Variants in ADAMTS19 observed in about 807,000 individuals in gnomAD.
The protein encoded by ADAMTS19 is ADAM metallopeptidase with thrombospondin type 1 motif 19, also known as A disintegrin and metalloproteinase with thrombospondin motifs 19.
In ADAMTS19, 93 loss-of-function variants were observed where a neutral mutation model predicts 153.3. The ratio of observed to expected loss-of-function variants is 0.61; its 90% CI spans 0.51 to 0.72. ADAMTS19 has a LOEUF of 0.72. Among genes scored for constraint, ADAMTS19 ranks in the 30% least tolerant of loss-of-function variants. The probability of loss-of-function intolerance (pLI) is 0.00; values close to 1 mark genes in which losing one functional copy is unlikely to be tolerated. For synonymous variants in ADAMTS19, 600 were observed against 556.6 expected (o/e 1.08, Z -1.10); for missense variants, 1,482 against 1,552.1 (o/e 0.95, Z 0.76).
intron 9 of ADAMTS19, among the ~76,000 whole-genome samples, chr5:129,621,730 T>C (rs566377980): frequency 6.6e-6 from 1 of 152,310 alleles, no homozygotes; most frequent in African/African-American, 2.4e-5. Context: ...TAAAATATAT[T>C]ACAGAGTTGT....
intron 16 of ADAMTS19, among the ~76,000 whole-genome samples, chr5:129,673,720 T>G (rs1204834044): frequency 6.6e-6 from 1 of 152,220 alleles, no homozygotes; most frequent in Non-Finnish European, 1.5e-5. Context: ...AATTTTCAAC[T>G]AAAATTGTGG....
At chr5:129,491,348 G>A (rs946150118) in intron 2 of ADAMTS19, among the ~76,000 whole-genome samples, 1 of 152,072 alleles carries the variant, frequency 6.6e-6, no homozygotes. Context: ...ATGTTTCGGA[G>A]TACCTGTTTT....
At chr5:129,586,271 T>C (rs1749794346) in intron 7 of ADAMTS19, among the ~76,000 whole-genome samples, 1 of 152,220 alleles carries the variant, frequency 6.6e-6, no homozygotes, top group Non-Finnish European at 1.5e-5. Context: ...ATCCACATTA[T>C]AGTATCATAT....
intron 22 of ADAMTS19, among the ~76,000 whole-genome samples, chr5:129,736,459 G>C (rs1757671171): frequency 6.6e-6 from 1 of 152,052 alleles, no homozygotes; most frequent in Non-Finnish European, 1.5e-5. Context: ...GGGAGGCCAA[G>C]TCTACATGAC....
chr5:129,622,736 T>A (rs2126980855), intron 10 of ADAMTS19, among the ~76,000 whole-genome samples: 1 of 152,228 alleles, frequency 6.6e-6, no homozygotes, highest in African/African-American at 2.4e-5. Context: ...GCTGCTAAAG[T>A]CCCTTATGAA....
intron 21 of ADAMTS19, among the ~76,000 whole-genome samples, chr5:129,715,558 G>A (rs892064409): frequency 6.6e-6 from 1 of 152,180 alleles, no homozygotes; most frequent in Non-Finnish European, 1.5e-5. Flanking sequence ...TTGAGTTTGA[G>A]AATTTTTTAT....
chr5:129,622,893 G>C (rs1159758567), intron 10 of ADAMTS19, among the ~76,000 whole-genome samples: 2 of 151,806 alleles, frequency 1.3e-5, no homozygotes, highest in Non-Finnish European at 2.9e-5. Flanking sequence ...TTATATTGTT[G>C]TATTGTTCTT....
At chr5:129,566,592 C>G (rs1013373960) in intron 7 of ADAMTS19, among the ~76,000 whole-genome samples, 2 of 152,158 alleles carry the variant, frequency 1.3e-5, no homozygotes, top group Non-Finnish European at 2.9e-5. Context: ...CAACACAGCC[C>G]ACACTTGTAA....
rs748798015 is a variant in ADAMTS19, at chr5:129,735,145, CAT to C, written c.3490+38_3490+39del. Reference sequence around the variant, plus strand: ...AAAAAAAAAAGATGCTTTTGAAAAACATAGAAATGCTTATGGCTTCTTGTATT... The same window carrying C: ...AAAAAAAAAAGATGCTTTTGAAAAACAGAAATGCTTATGGCTTCTTGTATT... On this transcript the variant is annotated intron_variant, in intron 22 of 22. Coordinates refer to ENST00000274487, the MANE Select transcript of ADAMTS19 (RefSeq NM_133638.6). 5 of 1,496,296 alleles carry C rather than the reference CAT, an allele frequency of 3.3e-6. No individual in the cohort carries two copies. In the African/African-American group the frequency reaches 5.7e-5, roughly 17 times the overall value. 92.7% of individuals were successfully genotyped at this position (1,496,296 alleles called of 1,614,324 possible). A position where few individuals can be genotyped will look rare whatever the true frequency, so the allele number is the denominator to read the frequency against.
chr5:129,714,488 A>AT (rs1250380893), intron 21 of ADAMTS19, among the ~76,000 whole-genome samples: 3 of 152,006 alleles, frequency 2.0e-5, no homozygotes, highest in Non-Finnish European at 2.9e-5. Flanking sequence ...CAAAATATGC[A>AT]TAAGTATATA....
At chr5:129,621,590 T>C (rs1003835069) in intron 9 of ADAMTS19, among the ~76,000 whole-genome samples, 2 of 152,216 alleles carry the variant, frequency 1.3e-5, no homozygotes, top group African/African-American at 4.8e-5. Flanking sequence ...GCATGTGATA[T>C]TTCAGACACA....
intron 7 of ADAMTS19, among the ~76,000 whole-genome samples, chr5:129,584,217 C>T (rs1235095929): frequency 6.6e-6 from 1 of 152,088 alleles, no homozygotes. Context: ...TGGGTATCAC[C>T]AGGAGAGGCT....
In ADAMTS19 at chr5:129,528,589, T is replaced by C; in HGVS notation, c.1240T>C (p.Phe414Leu). Residue 414 changes from phenylalanine to leucine, a missense_variant, in exon 6 of 23, where the codon TTT (phenylalanine) becomes CTT (leucine). Physicochemically the swap from Phe to Leu is conservative, Grantham distance 22. Coordinates refer to ENST00000274487, the MANE Select transcript of ADAMTS19 (RefSeq NM_133638.6). The part of the protein sequence containing the change: ...ESFCKWQHEE[F>L]GKKNDIHLEM... Reference sequence around the variant, plus strand: ...TTTTTGTAAGTGGCAACATGAAGAATTTGGCAAAAAGAATGATATACATTT... The same window carrying C: ...TTTTTGTAAGTGGCAACATGAAGAACTTGGCAAAAAGAATGATATACATTT... The C allele has an allele frequency of 6.2e-7, 1 of 1,607,006 alleles. No individual in the cohort carries two copies. The highest frequency in any genetic ancestry group is 8.5e-7 in the Non-Finnish European group (1 of 1,176,988).
chr5:129,527,633 T>TTA (rs1554089804), intron 4 of ADAMTS19, 115 bp from the exon 5 acceptor site: 23 of 164,960 alleles, frequency 1.4e-4, no homozygotes, highest in African/African-American at 3.4e-4. Context: ...TTTTTTTTTT[T>TTA]AAAAAAAAAA....
At chr5:129,690,568 C>T (rs1192694512) in intron 18 of ADAMTS19, among the ~76,000 whole-genome samples, 1 of 152,016 alleles carries the variant, frequency 6.6e-6, no homozygotes, top group Non-Finnish European at 1.5e-5. Context: ...CATTTTAACA[C>T]TCAGACAATA....
chr5:129,725,845 G>A (rs1045229204), intron 21 of ADAMTS19, among the ~76,000 whole-genome samples: 4 of 151,954 alleles, frequency 2.6e-5, no homozygotes, highest in Admixed American at 2.0e-4. Flanking sequence ...AATTAGTTGG[G>A]GGACTTAGAA....
At chr5:129,641,111 T>A (rs1309288376) in intron 10 of ADAMTS19, among the ~76,000 whole-genome samples, 1 of 152,216 alleles carries the variant, frequency 6.6e-6, no homozygotes, top group African/African-American at 2.4e-5. Context: ...TTTATTAATA[T>A]GTGTGTTGGC....
At position 129,580,422 on chromosome 5, in the gene ADAMTS19, T is replaced by A. The variant is rs144356785; in HGVS notation, c.1373-16137T>A. 7.2e-3 allele frequency among the ~76,000 whole-genome samples: 1,104 copies of A among 152,308 alleles called. 13 individuals carry two copies. Among genetic ancestry groups the A allele is most frequent in the African/African-American group, 0.025 (1,047 of 41,550 alleles). On this transcript the variant is annotated intron_variant, in intron 7 of 22. Coordinates refer to ENST00000274487, the MANE Select transcript of ADAMTS19 (RefSeq NM_133638.6). ...CCTCTATTCCTATTTGAATACCCTT[T>A]ATTTATTTCTCTTGCCTGACTGCCC...
At chr5:129,501,107 TAGA>T (rs1414081570) in intron 2 of ADAMTS19, among the ~76,000 whole-genome samples, 1 of 152,214 alleles carries the variant, frequency 6.6e-6, no homozygotes, top group African/African-American at 2.4e-5. Flanking sequence ...TGATAGGATT[TAGA>T]AGAATTTTTT....
Sources: gnomAD v4.1 joint callset for allele counts (sites outside exome capture counted in the v4.1 genomes callset) on GRCh38, gnomAD v4.1.1 for gene constraint, MANE v1.5 for transcripts, NCBI Gene and HGNC (gene_info 2026-07-23, HGNC 2026-07-21) for gene names.